THSD4: variants seen among roughly 807,000 people sequenced by gnomAD.
THSD4 encodes the protein thrombospondin type-1 domain-containing protein 4.
A neutral mutation model predicts 119.0 loss-of-function variants in THSD4; 69 were observed. The ratio of observed to expected loss-of-function variants is 0.58; its 90% confidence interval spans 0.48 to 0.71. The LOEUF (loss-of-function observed/expected upper bound fraction) is 0.71, where lower values mean the gene tolerates loss of function less well. THSD4 is among the 30% of genes least tolerant of loss of function. THSD4 has a pLI of 0.00. For synonymous variants in THSD4, 524 were observed against 540.4 expected (o/e 0.97, Z 0.42); for missense variants, 1,393 against 1,391.1 (o/e 1.00, Z -0.02).
intron 1 of THSD4, among the ~76,000 whole-genome samples, chr15:71,131,236 G>T (rs1272126211): frequency 6.6e-6 from 1 of 152,046 alleles, no homozygotes; most frequent in Non-Finnish European, 1.5e-5. Context: ...GGGATGAGAT[G>T]TCCAGCAGAA....
At position 71,609,782 on chromosome 15, in the gene THSD4, G is replaced by A. The variant is rs569854798; in HGVS notation, c.1153-50748G>A. Among the ~76,000 whole-genome samples the A allele has an allele frequency of 8.7e-5, 13 of 149,252 alleles. 2 individuals carry two copies. In the South Asian group the frequency reaches 2.5e-3, roughly 29 times the overall value. ...CAGGAGAATGGCGTGAACCCAGGAG[G>A]CAGAGCTTGCAGTGAGCGGAGATCA... On this transcript the variant is annotated intron_variant, in intron 7 of 17. Coordinates refer to ENST00000261862, the MANE Select transcript of THSD4 (RefSeq NM_024817.3).
At chr15:71,590,124 G>C (rs990163740) in intron 7 of THSD4, among the ~76,000 whole-genome samples, 3 of 138,922 alleles carry the variant, frequency 2.2e-5, no homozygotes, top group Admixed American at 7.3e-5. Flanking sequence ...ATGGAGTTGA[G>C]GGAAGGACGT....
In THSD4 at chr15:71,307,260, A is replaced by G. The variant is rs575900598; in HGVS notation, c.1015+50545A>G. 2.9e-3 allele frequency among the ~76,000 whole-genome samples: 435 copies of G among 152,268 alleles called. 3 individuals carry two copies. The highest frequency in any genetic ancestry group is 0.01 in the African/African-American group (424 of 41,550). The stretch of plus-strand genomic sequence containing the variant: ...CTCCATGATGGGAAGTTAGGTTGTC[A>G]TGTAGCCATAGTTATGGCGGTGGCT... On this transcript the variant is annotated intron_variant, in intron 6 of 17. Transcript: ENST00000261862.
intron 7 of THSD4, among the ~76,000 whole-genome samples, chr15:71,632,319 G>A (rs1157973223): frequency 6.6e-6 from 1 of 152,172 alleles, no homozygotes; most frequent in Non-Finnish European, 1.5e-5. Flanking sequence ...AAGGAGGGAT[G>A]ATTCCGTGTC....
chr15:71,661,056 C>T (rs562854021), intron 8 of THSD4, among the ~76,000 whole-genome samples: 5 of 152,198 alleles, frequency 3.3e-5, no homozygotes, highest in South Asian at 4.1e-4. Context: ...CTTTGCAAAG[C>T]GCGGAGACCA....
chr15:71,281,184 C>G (rs549665241), intron 6 of THSD4, among the ~76,000 whole-genome samples: 1 of 152,190 alleles, frequency 6.6e-6, no homozygotes, highest in African/African-American at 2.4e-5. Flanking sequence ...GGTATGAATC[C>G]GAGAAGTCTA....
intron 7 of THSD4, among the ~76,000 whole-genome samples, chr15:71,427,753 G>A (rs576127403): frequency 6.6e-6 from 1 of 151,776 alleles, no homozygotes; most frequent in Non-Finnish European, 1.5e-5. Flanking sequence ...ACACATGCTG[G>A]CTTCAGTAAT....
At chr15:71,627,286 G>T (rs546170805) in intron 7 of THSD4, among the ~76,000 whole-genome samples, 1 of 152,214 alleles carries the variant, frequency 6.6e-6, no homozygotes, top group Non-Finnish European at 1.5e-5. Flanking sequence ...GCTCATATGG[G>T]TTTGTGTAGT....
intron 3 of THSD4, among the ~76,000 whole-genome samples, chr15:71,198,210 A>G (rs1340034157): frequency 6.6e-6 from 1 of 152,248 alleles, no homozygotes; most frequent in Non-Finnish European, 1.5e-5. Flanking sequence ...GCAGTGAGCT[A>G]TGATCACAGT....
chr15:71,388,723 T>G (rs1473641400), intron 6 of THSD4, among the ~76,000 whole-genome samples: 1 of 151,772 alleles, frequency 6.6e-6, no homozygotes, highest in Non-Finnish European at 1.5e-5. Context: ...GATGTTTGTA[T>G]GGACTCAGGC....
chr15:71,641,302 G>C (rs1237739847), intron 7 of THSD4, among the ~76,000 whole-genome samples: 1 of 151,770 alleles, frequency 6.6e-6, no homozygotes, highest in Admixed American at 6.6e-5. Flanking sequence ...CCAATGTCTT[G>C]GGACCACAGA....
chr15:71,775,636 G>C (rs1447745584), intron 17 of THSD4, among the ~76,000 whole-genome samples: 1 of 152,142 alleles, frequency 6.6e-6, no homozygotes, highest in Non-Finnish European at 1.5e-5. Context: ...GCTTGGACCC[G>C]GGAGGCAGAG....
At chr15:71,108,228 C>CA (rs1273097649) in intron 1 of THSD4, among the ~76,000 whole-genome samples, 3 of 152,160 alleles carry the variant, frequency 2.0e-5, no homozygotes, top group African/African-American at 7.2e-5. Context: ...TCTCAGGCCT[C>CA]AAAACTGTTC....
At chr15:71,362,875 T>C (rs1008058097) in intron 6 of THSD4, among the ~76,000 whole-genome samples, 4 of 151,702 alleles carry the variant, frequency 2.6e-5, no homozygotes, top group African/African-American at 9.7e-5. Context: ...TTATAAATGC[T>C]GTAAAGCAGG....
At chr15:71,399,260 G>A (rs893613944) in intron 6 of THSD4, among the ~76,000 whole-genome samples, 8 of 152,162 alleles carry the variant, frequency 5.3e-5, no homozygotes, top group Admixed American at 3.3e-4. Flanking sequence ...CTTGTCCTCC[G>A]TAGGCAAGGA....
intron 6 of THSD4, among the ~76,000 whole-genome samples, chr15:71,376,125 G>T (rs1215782737): frequency 6.6e-6 from 1 of 152,180 alleles, no homozygotes; most frequent in African/African-American, 2.4e-5. Context: ...GTGAAAGAGT[G>T]CCAGAATTGA....
In THSD4 at chr15:71,727,557, T is replaced by C. The variant is rs1225242471; in HGVS notation, c.1358-992T>C. ...AAAAAAAAAAAAAAAAAAAAAAATA[T>C]ATATATATATATATATATATATATA... On this transcript the variant is annotated intron_variant, in intron 8 of 17. Coordinates refer to ENST00000261862, the MANE Select transcript of THSD4 (RefSeq NM_024817.3). Among the ~76,000 whole-genome samples the C allele has an allele frequency of 2.6e-3, 316 of 121,274 alleles. 6 individuals are homozygous for C. The highest frequency in any genetic ancestry group is 0.012 in the African/African-American group (300 of 24,522). 79.6% of individuals were successfully genotyped at this position (121,274 alleles called of 152,430 possible).
intron 3 of THSD4, among the ~76,000 whole-genome samples, chr15:71,206,037 T>C (rs1281068718): frequency 1.3e-5 from 2 of 152,148 alleles, no homozygotes; most frequent in African/African-American, 4.8e-5. Context: ...CTGTTCTTCA[T>C]AGAAAACGAG....
At chr15:71,253,637 A>G (rs886627807) in intron 5 of THSD4, among the ~76,000 whole-genome samples, 1 of 152,068 alleles carries the variant, frequency 6.6e-6, no homozygotes, top group African/African-American at 2.4e-5. Flanking sequence ...CGAAATCCAG[A>G]CCTCAAGTGA....
Sources: gnomAD v4.1 joint callset for allele counts (sites outside exome capture counted in the v4.1 genomes callset) on GRCh38, gnomAD v4.1.1 for gene constraint, MANE v1.5 for transcripts, NCBI Gene and HGNC (gene_info 2026-07-23, HGNC 2026-07-21) for gene names.